LIPF: variants seen among roughly 807,000 people sequenced by gnomAD.
The protein encoded by LIPF is lipase F, gastric type, also known as gastric triacylglycerol lipase.
A neutral mutation model predicts 38.0 loss-of-function variants in LIPF; 25 were observed. The observed-to-expected ratio is 0.66, with a 90% CI of 0.48 to 0.92. The LOEUF (loss-of-function observed/expected upper bound fraction) is 0.92, where lower values mean the gene tolerates loss of function less well. Ranked by LOEUF, LIPF falls within the 40% of genes least tolerant of loss-of-function variation. LIPF has a pLI of 0.00. For missense variants in LIPF, 410 were observed against 469.9 expected (o/e 0.87, Z 1.18); for synonymous variants, 161 against 156.2 (o/e 1.03, Z -0.23).
At chr10:88,672,222 GGTTT>G (rs1841610721) in intron 6 of LIPF, among the ~76,000 whole-genome samples, 1 of 152,082 alleles carries the variant, frequency 6.6e-6, no homozygotes, top group Non-Finnish European at 1.5e-5. Context: ...TTTCACAGAT[GGTTT>G]GTTTATTAAG....
At chr10:88,670,617 G>T (rs951402646) in intron 5 of LIPF, among the ~76,000 whole-genome samples, 11 of 152,278 alleles carry the variant, frequency 7.2e-5, no homozygotes, top group African/African-American at 2.6e-4. Flanking sequence ...CACCTAGTTT[G>T]TTCAAGGAAC....
intron 7 of LIPF, among the ~76,000 whole-genome samples, chr10:88,674,261 T>C (rs1241797252): frequency 1.3e-5 from 2 of 152,140 alleles, no homozygotes; most frequent in Non-Finnish European, 2.9e-5. Context: ...CTCCGCCTCT[T>C]GGGTTCACGC....
rs765633869 is a variant in LIPF at position 88,678,456 on chromosome 10, C to G, written c.972C>G (p.Pro324=). The G allele has an allele frequency of 6.2e-7, 1 of 1,613,410 alleles. No individual in the cohort carries two copies. Among genetic ancestry groups the G allele is most frequent in the Non-Finnish European group, 8.5e-7 (1 of 1,179,368 alleles). Residue 324 remains proline (P), a synonymous_variant, in exon 10 of 10, where the codon CCC becomes CCG. Transcript: ENST00000238983. ...NRMHYDQSQP[P]YYNVTAMNVP... The stretch of plus-strand genomic sequence containing the variant: ...CTTGTGTTTTCTAGTCCCAACCTCC[C>G]TACTACAATGTGACAGCCATGAATG...
intron 9 of LIPF, among the ~76,000 whole-genome samples, chr10:88,676,484 T>C (rs985175518): frequency 6.6e-6 from 1 of 152,220 alleles, no homozygotes; most frequent in Admixed American, 6.5e-5. Flanking sequence ...CTCAAAGTAC[T>C]ACACCCCTGT....
At chr10:88,676,899 C>A (rs1232864706) in intron 9 of LIPF, among the ~76,000 whole-genome samples, 1 of 152,172 alleles carries the variant, frequency 6.6e-6, no homozygotes, top group Non-Finnish European at 1.5e-5. Flanking sequence ...ATCTCTCCAC[C>A]CAGGCTCAGG....
At chr10:88,668,141 C>T (rs1284386613) in intron 3 of LIPF, among the ~76,000 whole-genome samples, 3 of 151,916 alleles carry the variant, frequency 2.0e-5, no homozygotes, top group Admixed American at 6.6e-5. Context: ...TTCCTAAACA[C>T]ATACAGGCTA....
rs548233570 is a variant in LIPF, at chr10:88,669,055, G to T, written c.422+299G>T. On this transcript the variant is annotated intron_variant, in intron 4 of 9. Transcript: ENST00000238983. ...AGCCCCTGGAAAATTCCAAAGGAAT[G>T]TCCATATGGATTCAAGAGAGAAGTA... The T allele has an allele frequency of 1.7e-5, 5 of 296,356 alleles. No individual in the cohort carries two copies. In the East Asian group the frequency reaches 3.1e-4, roughly 18 times the overall value. The allele number at this position is 296,356 out of a possible 1,614,324, so 18.4% of individuals were successfully genotyped here.
chr10:88,676,178 T>C, intron 8 of LIPF, 31 bp from the exon 9 acceptor site: 2 of 1,324,388 alleles, frequency 1.5e-6, no homozygotes, highest in Admixed American at 4.2e-5. Context: ...TAATAATTTT[T>C]ATTTGTTTGC....
chr10:88,669,561 T>C, intron 4 of LIPF: 1 of 264,782 alleles, frequency 3.8e-6, no homozygotes, highest in Non-Finnish European at 7.3e-6. Flanking sequence ...TTATTAAATC[T>C]GACATTTCAT....
chr10:88,668,637 C>T lies in LIPF; in HGVS notation c.303C>T (p.Ser101=), dbSNP rs144342475. The T allele has an allele frequency of 4.1e-5, 66 of 1,614,072 alleles. No individual in the cohort carries two copies. The African/African-American group carries it at 6.0e-4, about 15-fold the overall frequency. Residue 101 remains serine, a synonymous_variant, in exon 4 of 10, where the codon AGC becomes AGT. Coordinates refer to ENST00000238983, the MANE Select transcript of LIPF (RefSeq NM_004190.4). ...GGATTTCCAACCTGCCGAACAACAG[C>T]CTTGCCTTCATTCTGGCAGATGCTG... is the stretch of plus-strand genomic sequence containing the variant. ...TNWISNLPNN[S]LAFILADAGY...
intron 1 of LIPF, chr10:88,665,379 C>CT (rs2134630736): frequency 1.7e-6 from 1 of 585,988 alleles, no homozygotes; most frequent in East Asian, 2.8e-5. Flanking sequence ...GATGAGAACA[C>CT]TGTCTTAGCA....
At chr10:88,673,017 A>G (rs1841628029) in intron 6 of LIPF, among the ~76,000 whole-genome samples, 1 of 152,192 alleles carries the variant, frequency 6.6e-6, no homozygotes, top group Admixed American at 6.5e-5. Flanking sequence ...GATTCTAGGT[A>G]TAATCGAGCT....
chr10:88,669,484 T>A (rs925342799), intron 4 of LIPF: 9 of 168,038 alleles, frequency 5.4e-5, no homozygotes, highest in Non-Finnish European at 1.2e-4. Context: ...GTTGGCTGAT[T>A]TGTGAAAAAT....
At chr10:88,670,538 C>A (rs1764210221) in intron 5 of LIPF, among the ~76,000 whole-genome samples, 1 of 152,076 alleles carries the variant, frequency 6.6e-6, no homozygotes, top group Non-Finnish European at 1.5e-5. Context: ...GAGTCATGTG[C>A]CTACCTAGTA....
chr10:88,666,749 C>T (rs987534033), intron 1 of LIPF, among the ~76,000 whole-genome samples: 23 of 152,124 alleles, frequency 1.5e-4, no homozygotes, highest in Admixed American at 6.5e-5. Flanking sequence ...ACCCTGGAAG[C>T]AGAGGTGGGA....
intron 2 of LIPF, 37 bp from the exon 3 acceptor site, chr10:88,667,532 T>C (rs977129781): frequency 8.2e-7 from 1 of 1,223,756 alleles, no homozygotes; most frequent in Non-Finnish European, 1.2e-6. Context: ...TATCTAAAAA[T>C]CAACTAAAAT....
intron 1 of LIPF, chr10:88,665,490 A>C: frequency 6.7e-7 from 1 of 1,492,942 alleles, no homozygotes; most frequent in Non-Finnish European, 9.0e-7. Flanking sequence ...ACTTGGCAAC[A>C]AGCATTTTGA....
At chr10:88,676,068 G>A in intron 8 of LIPF, 141 bp from the exon 9 acceptor site, 1 of 582,508 alleles carries the variant, frequency 1.7e-6, no homozygotes, top group Non-Finnish European at 3.0e-6. Context: ...CCTTGTCCTA[G>A]ATTATTAATA....
chr10:88,676,279 A>T lies in LIPF; in HGVS notation c.959A>T (p.Gln320Leu). 1 of 1,581,894 alleles carries T rather than the reference A, an allele frequency of 6.3e-7. No individual in the cohort carries two copies. The highest frequency in any genetic ancestry group is 1.1e-5 in the South Asian group (1 of 87,378). Residue 320 changes from glutamine (Q) to leucine (L), a missense_variant and splice_region_variant, in exon 9 of 10, where the codon CAG (glutamine) becomes CTG (leucine). By Grantham distance (113) the Gln-to-Leu change is moderately radical. Coordinates refer to ENST00000238983, the MANE Select transcript of LIPF (RefSeq NM_004190.4). ...GTTCAGAATAGGATGCACTATGATC[A>T]GGTAAGCTTCTTAAAGATGGAATTA... ...SPVQNRMHYDQSQPPYYNVTA... is the reference protein window; with the variant it reads ...SPVQNRMHYDLSQPPYYNVTA...
Sources: gnomAD v4.1 joint callset for allele counts (sites outside exome capture counted in the v4.1 genomes callset) on GRCh38, gnomAD v4.1.1 for gene constraint, MANE v1.5 for transcripts, NCBI Gene and HGNC (gene_info 2026-07-23, HGNC 2026-07-21) for gene names.